The following AP1S1 variants were observed in gnomAD, a reference collection of about 807,000 sequenced individuals.
The protein encoded by AP1S1 is adaptor related protein complex 1 subunit sigma 1, also known as AP-1 complex subunit sigma-1A.
Under a neutral mutation model 23.9 loss-of-function variants are expected in AP1S1, and 13 were observed. That is an observed-to-expected ratio of 0.54 (90% CI 0.35 to 0.86). AP1S1 has a LOEUF of 0.86. Ranked by LOEUF, AP1S1 falls within the 40% of genes least tolerant of loss-of-function variation. The pLI, the probability that AP1S1 is intolerant of heterozygous loss-of-function variation, is 0.01. For missense variants in AP1S1, 119 were observed against 197.6 expected, an observed-to-expected ratio of 0.60 and a Z score of 2.38; for synonymous variants, 84 against 77.7, an observed-to-expected ratio of 1.08 and a Z score of -0.43.
At chr7:101,155,090 C>A in intron 1 of AP1S1, 1 of 924,466 alleles carries the variant, frequency 1.1e-6, no homozygotes, top group Non-Finnish European at 1.3e-6. Context: ...GGATCCCGGG[C>A]TCCGGGGCTC....
At position 101,154,629 on chromosome 7, in the gene AP1S1, C is replaced by CA. The variant is rs1562862758; in HGVS notation, c.3+113dup. Reference sequence around the variant, plus strand: ...ACCGCCCTGTCTTCCCTCTGGTCCTCAGAGGCCTCCCTTGCCTCGGCGGGT... The same window carrying CA: ...ACCGCCCTGTCTTCCCTCTGGTCCTCAAGAGGCCTCCCTTGCCTCGGCGGGT... On this transcript the variant is annotated intron_variant, in intron 1 of 4. Coordinates refer to ENST00000337619, the MANE Select transcript of AP1S1 (RefSeq NM_001283.5). 2.1e-6 allele frequency: 3 copies of CA among 1,408,172 alleles called. No individual in the cohort carries two copies. The Admixed American group carries it at 7.0e-5, about 33-fold the overall frequency. 87.2% of individuals were successfully genotyped at this position (1,408,172 alleles called of 1,614,324 possible). A position where few individuals can be genotyped will look rare whatever the true frequency, so the allele number is the denominator to read the frequency against.
chr7:101,154,706 C>T (rs1421650721), intron 1 of AP1S1, 189 bp downstream of exon 1: 2 of 21,816 alleles, frequency 9.2e-5, no homozygotes, highest in East Asian at 1.5e-3. Flanking sequence ...GGGAGAGGGG[C>T]GGGGAGGGGG....
intron 2 of AP1S1, 115 bp downstream of exon 2, chr7:101,156,887 A>T: frequency 2.2e-5 from 17 of 789,684 alleles, no homozygotes; most frequent in Non-Finnish European, 2.9e-5. Flanking sequence ...GGACATCTGG[A>T]GGACAGTAAT....
At chr7:101,155,689 C>A (rs1796981665) in intron 1 of AP1S1, among the ~76,000 whole-genome samples, 1 of 152,158 alleles carries the variant, frequency 6.6e-6, no homozygotes, top group Non-Finnish European at 1.5e-5. Context: ...GGGCATAGGC[C>A]TGGCACTGGA....
Position 101,160,548 on chromosome 7 carries a change from G to A in AP1S1, c.459G>A (p.Glu153=). 1 of 1,612,144 alleles carries A rather than the reference G, an allele frequency of 6.2e-7. No homozygotes were observed. The highest frequency in any genetic ancestry group is 1.3e-5 in the African/African-American group (1 of 75,034). The change falls in exon 5 of 5, where the codon GAG becomes GAA. Residue 153 remains glutamate (E), a synonymous_variant. Transcript: ENST00000337619. ...ATGAGTCGCCACGGAGTGTGCTGGA[G>A]GAGATGGGTTTGGCATAGCCCCTGC... is the stretch of plus-strand genomic sequence containing the variant. ...EEDESPRSVL[E]EMGLA
At position 101,159,196 on chromosome 7, in the gene AP1S1, G is replaced by GGTAC; in HGVS notation, c.429+2_429+5dup. 1 of 1,609,850 alleles carries GGTAC rather than the reference G, an allele frequency of 6.2e-7. No homozygotes were observed. The highest frequency in any genetic ancestry group is 1.7e-5 in the Admixed American group (1 of 59,008). The stretch of plus-strand genomic sequence containing the variant: ...TCGAGCAGGCTGACCTACTGCAAGA[G>GGTAC]GTACGGGCCAGGGACAGTGAGGAGG... On this transcript the variant is annotated frameshift_variant and splice_region_variant. Transcript: ENST00000337619. LOFTEE classifies it high-confidence loss of function.
Position 101,160,611 on chromosome 7 carries a change from C to A in AP1S1, c.*45C>A. On this transcript the variant is annotated 3_prime_UTR_variant, in exon 5 of 5. Transcript: ENST00000337619. ...TGGCGATGGGGTCCTGGCAGCGTGGCGGGAACGGCTGCTTCTCCTCTGCCC... is the reference window on the plus strand; with the variant it reads ...TGGCGATGGGGTCCTGGCAGCGTGGAGGGAACGGCTGCTTCTCCTCTGCCC... 6.3e-7 allele frequency: 1 copy of A among 1,598,836 alleles called. No homozygotes were observed. Among genetic ancestry groups the A allele is most frequent in the Non-Finnish European group, 8.5e-7 (1 of 1,173,762 alleles).
chr7:101,160,594 G>C lies in AP1S1; in HGVS notation c.*28G>C. ...CCTGCTGGGCCGGGGTGTGGCGATG[G>C]GGTCCTGGCAGCGTGGCGGGAACGG... On this transcript the variant is annotated 3_prime_UTR_variant, in exon 5 of 5. Transcript: ENST00000337619. 6.2e-7 allele frequency: 1 copy of C among 1,609,186 alleles called. No homozygotes were observed.
rs764514912 is a variant in AP1S1 at position 101,160,545 on chromosome 7, G to A, written c.456G>A (p.Leu152=). 5 of 1,611,962 alleles carry A rather than the reference G, an allele frequency of 3.1e-6. No homozygotes were observed. In the African/African-American group the frequency reaches 5.3e-5, roughly 17 times the overall value. ...AGGATGAGTCGCCACGGAGTGTGCT[G>A]GAGGAGATGGGTTTGGCATAGCCCC... ...QEEDESPRSV[L]EEMGLA The change falls in exon 5 of 5, where the codon CTG becomes CTA. Residue 152 remains leucine, a synonymous_variant. Transcript: ENST00000337619.
chr7:101,160,445 G>T (rs938600829), intron 4 of AP1S1, 74 bp from the exon 5 acceptor site: 2 of 1,548,204 alleles, frequency 1.3e-6, no homozygotes, highest in Non-Finnish European at 8.8e-7. Flanking sequence ...ACTCTTCCTC[G>T]TGACTGCTGT....
At position 101,158,236 on chromosome 7, in the gene AP1S1, C is replaced by T. The variant is rs542250513; in HGVS notation, c.291+751C>T. Among the ~76,000 whole-genome samples, 155 of 152,286 alleles carry T rather than the reference C, an allele frequency of 1.0e-3. 5 individuals carry two copies. The South Asian group carries it at 0.029, about 29-fold the overall frequency. ...GGGACAGCTCAGATCTTAGATGGGG[C>T]GTAGTAGTAACTCCATAATTTGTGT... On this transcript the variant is annotated intron_variant, in intron 3 of 4. Transcript: ENST00000337619.
intron 1 of AP1S1, chr7:101,155,106 C>A: frequency 1.2e-6 from 1 of 866,002 alleles, no homozygotes; most frequent in Non-Finnish European, 1.4e-6. Flanking sequence ...GGCTCTCTGC[C>A]CCCCTTCCCA....
rs922435688 is a variant in AP1S1 at position 101,158,629 on chromosome 7, C to T, written c.292-430C>T. The stretch of plus-strand genomic sequence containing the variant: ...AAAAAAACTGATCCAAGGCAAGGCG[C>T]GGTGGCTCACGCCTGTGATCCCAGC... On this transcript the variant is annotated intron_variant, in intron 3 of 4. Coordinates refer to ENST00000337619, the MANE Select transcript of AP1S1 (RefSeq NM_001283.5). Among the ~76,000 whole-genome samples, 4 of 152,310 alleles carry T rather than the reference C, an allele frequency of 2.6e-5. No individual in the cohort carries two copies. In the Middle Eastern group the frequency reaches 0.01, roughly 389 times the overall value.
intron 2 of AP1S1, 127 bp from the exon 3 acceptor site, chr7:101,157,250 C>T: frequency 2.9e-6 from 2 of 684,262 alleles, no homozygotes; most frequent in Non-Finnish European, 5.0e-6. Flanking sequence ...CTTTACATGC[C>T]CTAGGGCCAC....
chr7:101,158,277 C>T (rs145314660), intron 3 of AP1S1, among the ~76,000 whole-genome samples: 3 of 152,264 alleles, frequency 2.0e-5, no homozygotes, highest in East Asian at 1.9e-4. Flanking sequence ...AGTGCTTTTG[C>T]GTCCTCTCGT....
At chr7:101,156,803 A>C (rs1416841343) in intron 2 of AP1S1, 31 bp downstream of exon 2, 3 of 1,482,250 alleles carry the variant, frequency 2.0e-6, no homozygotes, top group Non-Finnish European at 1.8e-6. Context: ...AGACCTGCCT[A>C]GATTCAAGTT....
Position 101,156,683 on chromosome 7 carries a change from G to T in AP1S1, c.93G>T (p.Met31Ile). ...CTTCGGACAAGGAACGGAAGAAGAT[G>T]GTGCGCGAGCTCATGCAGGTTGTCC... is the stretch of plus-strand genomic sequence containing the variant. ...LATSDKERKK[M>I]VRELMQVVLA... The change falls in exon 2 of 5, where the codon ATG becomes ATT. Residue 31 changes from methionine (M) to isoleucine (I), a missense_variant. Met to Ile is a conservative substitution (Grantham distance 10). Transcript: ENST00000337619. 6.2e-7 allele frequency: 1 copy of T among 1,610,834 alleles called. No individual in the cohort carries two copies. The highest frequency in any genetic ancestry group is 1.1e-5 in the South Asian group (1 of 90,140).
At chr7:101,156,568 C>T (rs377283215) in intron 1 of AP1S1, 26 bp from the exon 2 acceptor site, 16 of 1,598,514 alleles carry the variant, frequency 1.0e-5, no homozygotes, top group African/African-American at 4.0e-5. Context: ...TGGTTACCCT[C>T]GGTTCTGCCC....
At chr7:101,157,253 A>G (rs1048647402) in intron 2 of AP1S1, 124 bp from the exon 3 acceptor site, 1 of 693,642 alleles carries the variant, frequency 1.4e-6, no homozygotes. Context: ...TACATGCCCT[A>G]GGGCCACCTC....
Sources: gnomAD v4.1 joint callset for allele counts (sites outside exome capture counted in the v4.1 genomes callset) on GRCh38, gnomAD v4.1.1 for gene constraint, MANE v1.5 for transcripts, NCBI Gene and HGNC (gene_info 2026-07-23, HGNC 2026-07-21) for gene names.